The following MSN variants were observed in gnomAD, a reference collection of about 807,000 sequenced individuals.
The protein encoded by MSN is moesin.
In MSN, 2 loss-of-function variants were observed where a neutral mutation model predicts 48.0. The ratio of observed to expected loss-of-function variants is 0.04; its 90% CI spans 0.02 to 0.13. The LOEUF is 0.13. Ranked by LOEUF, MSN falls within the 10% of genes least tolerant of loss-of-function variation. MSN has a pLI of 1.00. For missense variants in MSN, 267 were observed against 470.1 expected (o/e 0.57, Z 3.99); for synonymous variants, 146 against 166.9 (o/e 0.87, Z 0.97).
intron 1 of MSN, among the ~76,000 whole-genome samples, chrX:65,596,666 C>T (rs1487635880): frequency 1.1e-5 from 1 of 92,705 alleles, no homozygotes; most frequent in African/African-American, 4.2e-5. Context: ...ACCATTACCT[C>T]TTCTTTTATA....
At chrX:65,720,390 AG>A (rs1222139997) in intron 2 of MSN, among the ~76,000 whole-genome samples, 1 of 112,322 alleles carries the variant, frequency 8.9e-6, no homozygotes. Context: ...CATAAGAAGG[AG>A]GGGGGCAGTC....
At chrX:65,650,419 T>G (rs1474484099) in intron 1 of MSN, among the ~76,000 whole-genome samples, 1 of 112,196 alleles carries the variant, frequency 8.9e-6, no homozygotes, top group African/African-American at 3.2e-5. Context: ...AAATAAAAGA[T>G]GTATGTGTTC....
rs745925747 is a variant in MSN, at chrX:65,611,699, C to T, written c.-22+23087C>T. 1.3e-3 allele frequency among the ~76,000 whole-genome samples: 148 copies of T among 111,716 alleles called. 1 individual carries two copies. The highest frequency in any genetic ancestry group is 4.5e-3 in the African/African-American group (139 of 30,791). On this transcript the variant is annotated intron_variant, in intron 1 of 3. Transcript: ENST00000609672. ...TGGGTGTATGAGTATCTCTTTGAGA[C>T]CCTGCTTTCAATTACTTTGAGTATA...
At chrX:65,620,423 C>G (rs1268344478) in intron 1 of MSN, among the ~76,000 whole-genome samples, 2 of 113,949 alleles carry the variant, frequency 1.8e-5, no homozygotes, top group African/African-American at 6.3e-5. Flanking sequence ...CGCCGCTTTC[C>G]AAGCCCGTCG....
intron 1 of MSN, among the ~76,000 whole-genome samples, chrX:65,612,547 C>T (rs765809697): frequency 2.8e-4 from 16 of 56,193 alleles, no homozygotes; most frequent in East Asian, 2.0e-3. Flanking sequence ...TCTGTTTCTT[C>T]GTAATGGTTT....
At chrX:65,618,706 C>T (rs1394739529) in intron 1 of MSN, among the ~76,000 whole-genome samples, 6 of 109,836 alleles carry the variant, frequency 5.5e-5, no homozygotes, top group Non-Finnish European at 9.5e-5. Context: ...AGTCCATTTA[C>T]ATTTAAAGTT....
chrX:65,619,226 C>G (rs1263917099), intron 1 of MSN, among the ~76,000 whole-genome samples: 2 of 103,452 alleles, frequency 1.9e-5, no homozygotes, highest in Non-Finnish European at 3.8e-5. Flanking sequence ...GTGGCATTCT[C>G]TGTATTTCCT....
intron 1 of MSN, among the ~76,000 whole-genome samples, chrX:65,633,226 G>T (rs1230573118): frequency 7.2e-5 from 8 of 111,423 alleles, no homozygotes; most frequent in African/African-American, 2.6e-4. Flanking sequence ...ATCCCCAAGG[G>T]TGATATCTGA....
intron 1 of MSN, among the ~76,000 whole-genome samples, chrX:65,599,236 A>C (rs1423277116): frequency 9.0e-6 from 1 of 111,646 alleles, no homozygotes; most frequent in Non-Finnish European, 1.9e-5. Context: ...CAGAGGTTGC[A>C]GTGAGCCGGG....
At chrX:65,727,711 C>T (rs779866922) in intron 2 of MSN, 103 bp from the exon 3 acceptor site, 1 of 649,400 alleles carries the variant, frequency 1.5e-6, no homozygotes, top group Non-Finnish European at 2.4e-6. Context: ...ACCTTAAACC[C>T]TTTAAGGGCA....
At chrX:65,595,594 G>C (rs2070180959) in intron 1 of MSN, among the ~76,000 whole-genome samples, 1 of 112,055 alleles carries the variant, frequency 8.9e-6, no homozygotes, top group Non-Finnish European at 1.9e-5. Flanking sequence ...AAGTGGTCTA[G>C]TTGGGCCTGC....
intron 1 of MSN, among the ~76,000 whole-genome samples, chrX:65,635,934 G>A (rs924397052): frequency 1.8e-5 from 2 of 112,295 alleles, no homozygotes; most frequent in African/African-American, 6.5e-5. Context: ...CAGAGAGGGC[G>A]CTATTAATAT....
intron 1 of MSN, among the ~76,000 whole-genome samples, chrX:65,601,274 C>G (rs2070233030): frequency 9.0e-6 from 1 of 111,497 alleles, no homozygotes; most frequent in Non-Finnish European, 1.9e-5. Flanking sequence ...ACAAGGTATT[C>G]AGAGGGCCTT....
chrX:65,599,564 C>T (rs753071715), intron 1 of MSN, among the ~76,000 whole-genome samples: 16 of 112,433 alleles, frequency 1.4e-4, no homozygotes, highest in East Asian at 5.6e-4. Flanking sequence ...ACCCGTAAGG[C>T]GGAGGTTGCA....
intron 1 of MSN, among the ~76,000 whole-genome samples, chrX:65,635,933 C>A (rs975766258): frequency 1.8e-5 from 2 of 112,154 alleles, no homozygotes; most frequent in Admixed American, 9.5e-5. Flanking sequence ...CCAGAGAGGG[C>A]GCTATTAATA....
intron 1 of MSN, among the ~76,000 whole-genome samples, chrX:65,618,569 C>T (rs1432948776): frequency 1.8e-5 from 2 of 111,448 alleles, no homozygotes; most frequent in Non-Finnish European, 1.9e-5. Context: ...GGTAGATCTT[C>T]CTCCATCCTT....
At chrX:65,623,519 G>A (rs1445099006) in intron 1 of MSN, among the ~76,000 whole-genome samples, 1 of 109,598 alleles carries the variant, frequency 9.1e-6, no homozygotes, top group East Asian at 2.8e-4. Context: ...TTAAATATTT[G>A]GTAGAATTTG....
chrX:65,701,223 A>T (rs2071300140), intron 1 of MSN, among the ~76,000 whole-genome samples: 1 of 111,931 alleles, frequency 8.9e-6, no homozygotes, highest in African/African-American at 3.3e-5. Context: ...TGGCTGCTGA[A>T]GTATCTGAAC....
In MSN at chrX:65,677,946, C is replaced by G. The variant is rs1487635691; in HGVS notation, c.12+10093C>G. Among the ~76,000 whole-genome samples the G allele has an allele frequency of 2.7e-5, 3 of 110,724 alleles. No homozygotes were observed. In the Admixed American group the frequency reaches 2.9e-4, roughly 11 times the overall value. The stretch of plus-strand genomic sequence containing the variant: ...GCTTGAAGAGTTGCTCCAGCAGGGC[C>G]TGATGTGGGCCTGGTGAAAATCTAG... On this transcript the variant is annotated intron_variant, in intron 1 of 12. Coordinates refer to ENST00000360270, the MANE Select transcript of MSN (RefSeq NM_002444.3).
Sources: gnomAD v4.1 joint callset for allele counts (sites outside exome capture counted in the v4.1 genomes callset) on GRCh38, gnomAD v4.1.1 for gene constraint, MANE v1.5 for transcripts, NCBI Gene and HGNC (gene_info 2026-07-23, HGNC 2026-07-21) for gene names.